Variants in SUMF1 observed in about 807,000 individuals in gnomAD.
SUMF1 encodes sulfatase modifying factor 1.
In SUMF1, 48 loss-of-function variants were observed where a neutral mutation model predicts 47.6. The ratio of observed to expected loss-of-function variants is 1.01; its 90% CI spans 0.80 to 1.28. SUMF1 has a LOEUF of 1.28. SUMF1 is among the 50% of genes most tolerant of loss of function. SUMF1 has a pLI of 0.00. For synonymous variants in SUMF1, 230 were observed against 192.1 expected (o/e 1.20, Z -1.63); for missense variants, 571 against 485.4 (o/e 1.18, Z -1.66).
intron 8 of SUMF1, chr3:4,313,678 A>G (rs1698518360): frequency 6.2e-7 from 1 of 1,614,046 alleles, no homozygotes; most frequent in Non-Finnish European, 8.5e-7. Context: ...AAAGTCGAAC[A>G]TCAGTTGTGG....
rs751395185 is a variant in SUMF1 at position 4,467,191 on chromosome 3, C to T, written c.55G>A (p.Val19Ile). Residue 19 changes from valine to isoleucine, a missense_variant, in exon 1 of 9, where the codon GTC (valine) becomes ATC (isoleucine). Physicochemically the swap from Val to Ile is conservative, Grantham distance 29. Transcript: ENST00000272902. Reference sequence around the variant, plus strand: ...AGCGAGAGCAGCAGCAGCAAGAGGACGAGACCCAGCTCAGGGCAACGTCCA... The same window carrying T: ...AGCGAGAGCAGCAGCAGCAAGAGGATGAGACCCAGCTCAGGGCAACGTCCA... ...VCGRCPELGLVLLLLLLSLLC... is the reference protein window; with the variant it reads ...VCGRCPELGLILLLLLLSLLC... The T allele has an allele frequency of 3.1e-6, 5 of 1,610,568 alleles. No homozygotes were observed. The highest frequency in any genetic ancestry group is 2.7e-5 in the African/African-American group (2 of 74,806).
At chr3:4,444,939 C>T (rs1575231368) in intron 3 of SUMF1, among the ~76,000 whole-genome samples, 1 of 152,042 alleles carries the variant, frequency 6.6e-6, no homozygotes, top group Non-Finnish European at 1.5e-5. Context: ...CTTGGCCTCA[C>T]AAAAAGCAAA....
Position 4,317,278 on chromosome 3 carries a change from T to C in SUMF1, c.1014+59052A>G, listed in dbSNP as rs1322701519. On this transcript the variant is annotated intron_variant and NMD_transcript_variant, in intron 8 of 12. Coordinates refer to the SUMF1 transcript ENST00000448413. ...TGCGTTGAGCCTAGTTATAATGATTTAAAATTCACAGTCCAAAACCGCAGT... is the reference window on the plus strand; with the variant it reads ...TGCGTTGAGCCTAGTTATAATGATTCAAAATTCACAGTCCAAAACCGCAGT... 6 of 1,423,898 alleles carry C rather than the reference T, an allele frequency of 4.2e-6. No individual in the cohort carries two copies. In the East Asian group the frequency reaches 1.2e-4, roughly 30 times the overall value. 88.2% of individuals were successfully genotyped at this position (1,423,898 alleles called of 1,614,324 possible). A position where few individuals can be genotyped will look rare whatever the true frequency, so the allele number is the denominator to read the frequency against.
intron 7 of SUMF1, among the ~76,000 whole-genome samples, chr3:4,387,889 T>G (rs1700725504): frequency 6.6e-6 from 1 of 152,086 alleles, no homozygotes; most frequent in African/African-American, 2.4e-5. Context: ...CCTATTATAT[T>G]TCTGTTACTG....
intron 8 of SUMF1, among the ~76,000 whole-genome samples, chr3:4,234,237 T>C (rs569720740): frequency 6.6e-5 from 10 of 151,716 alleles, no homozygotes; most frequent in African/African-American, 2.2e-4. Flanking sequence ...TGAATAATTA[T>C]ATAATTTTTA....
intron 8 of SUMF1, among the ~76,000 whole-genome samples, chr3:4,145,886 T>C (rs1694182655): frequency 6.6e-6 from 1 of 152,162 alleles, no homozygotes; most frequent in African/African-American, 2.4e-5. Flanking sequence ...TCTACAGCTT[T>C]AGGCCCTGTT....
At chr3:4,438,413 C>T (rs1214478596) in intron 3 of SUMF1, among the ~76,000 whole-genome samples, 1 of 152,114 alleles carries the variant, frequency 6.6e-6, no homozygotes, top group Non-Finnish European at 1.5e-5. Flanking sequence ...AAGAATCCTG[C>T]TAAGTCAGTT....
At position 4,456,660 on chromosome 3, in the gene SUMF1, A is replaced by G. The variant is rs1374527124; in HGVS notation, c.271-3611T>C. Among the ~76,000 whole-genome samples the G allele has an allele frequency of 8.6e-4, 122 of 142,200 alleles. 1 individual carries two copies. Among genetic ancestry groups the G allele is most frequent in the East Asian group, 7.4e-3 (37 of 4,982 alleles). The allele number at this position is 142,200 out of a possible 152,430, so 93.3% of individuals were successfully genotyped here. The stretch of plus-strand genomic sequence containing the variant: ...CGTGTATATATATATATGTGTGTGT[A>G]TATATATATATACGTGTATATATAT... On this transcript the variant is annotated intron_variant, in intron 1 of 8. Transcript: ENST00000272902.
chr3:4,137,489 G>A (rs1693966501), intron 8 of SUMF1, among the ~76,000 whole-genome samples: 2 of 151,906 alleles, frequency 1.3e-5, no homozygotes, highest in Admixed American at 6.6e-5. Context: ...GGGGGAAGGG[G>A]GCGGGAGAGC....
At chr3:4,431,555 C>A (rs6788388) in intron 3 of SUMF1, among the ~76,000 whole-genome samples, 2 of 152,054 alleles carry the variant, frequency 1.3e-5, no homozygotes. Flanking sequence ...AATTTTTCTC[C>A]GCCCTCCTCA....
chr3:4,412,612 C>A (rs2582341), intron 6 of SUMF1, among the ~76,000 whole-genome samples: 2 of 152,020 alleles, frequency 1.3e-5, no homozygotes, highest in South Asian at 2.1e-4. Flanking sequence ...GGCCAGGTGC[C>A]GTGGCTCATG....
chr3:4,098,860 C>G (rs931555913), intron 8 of SUMF1, among the ~76,000 whole-genome samples: 3 of 152,086 alleles, frequency 2.0e-5, no homozygotes, highest in Non-Finnish European at 4.4e-5. Flanking sequence ...GAGGAAGCCA[C>G]AAAGGAATTT....
At chr3:4,430,751 AGCTATGGGAGCCAAAGGTGGG>A (rs1032809607) in intron 3 of SUMF1, among the ~76,000 whole-genome samples, 2 of 152,042 alleles carry the variant, frequency 1.3e-5, no homozygotes, top group Admixed American at 1.3e-4. Context: ...AAGCTCAATG[AGCTATGGGAGCCAAAGGTGGG>A]GCACCCAATC....
At chr3:4,344,802 T>C (rs1341584794) in intron 8 of SUMF1, among the ~76,000 whole-genome samples, 3 of 152,126 alleles carry the variant, frequency 2.0e-5, no homozygotes, top group Admixed American at 6.5e-5. Context: ...GTTAGAGGAA[T>C]TGATAACTAG....
At chr3:4,147,971 C>T (rs2125102627) in intron 8 of SUMF1, among the ~76,000 whole-genome samples, 1 of 152,188 alleles carries the variant, frequency 6.6e-6, no homozygotes, top group Non-Finnish European at 1.5e-5. Context: ...GCTAGGAAAT[C>T]ACATTTAGCT....
intron 8 of SUMF1, among the ~76,000 whole-genome samples, chr3:4,070,200 C>T (rs1487964638): frequency 6.6e-6 from 1 of 152,174 alleles, no homozygotes; most frequent in African/African-American, 2.4e-5. Context: ...CAATGTATTT[C>T]TTAAATGTAT....
At chr3:4,067,640 C>T (rs148271994) in intron 9 of SUMF1, among the ~76,000 whole-genome samples, 48 of 152,330 alleles carry the variant, frequency 3.2e-4, no homozygotes, top group African/African-American at 1.1e-3. Flanking sequence ...TTATGGAGAG[C>T]CTCATCCACT....
intron 9 of SUMF1, among the ~76,000 whole-genome samples, chr3:4,039,209 A>ATTTT (rs775459424): frequency 0.15 from 5,878 of 39,514 alleles, 582 homozygotes; most frequent in South Asian, 0.34. Context: ...ATCTATGCAA[A>ATTTT]TTTTTTTTTT....
chr3:4,140,633 C>G (rs1262984100), intron 8 of SUMF1, among the ~76,000 whole-genome samples: 1 of 151,932 alleles, frequency 6.6e-6, no homozygotes, highest in Non-Finnish European at 1.5e-5. Flanking sequence ...TATTCCTTGA[C>G]TTTACCTAAT....
Sources: gnomAD v4.1 joint callset for allele counts (sites outside exome capture counted in the v4.1 genomes callset) on GRCh38, gnomAD v4.1.1 for gene constraint, MANE v1.5 for transcripts, NCBI Gene and HGNC (gene_info 2026-07-23, HGNC 2026-07-21) for gene names.